Variants in IL2RB observed in about 807,000 individuals in gnomAD.
The protein encoded by IL2RB is interleukin-2 receptor subunit beta.
IL2RB carries 17 observed loss-of-function variants against 44.2 expected under a neutral mutation model. That is an observed-to-expected ratio of 0.38 (90% CI 0.26 to 0.58). IL2RB has a LOEUF of 0.58. Among genes scored for constraint, IL2RB ranks in the 20% least tolerant of loss-of-function variants. The probability of loss-of-function intolerance (pLI) is 0.63; values close to 1 mark genes in which losing one functional copy is unlikely to be tolerated. For missense variants in IL2RB, 624 were observed against 685.5 expected, an observed-to-expected ratio of 0.91 and a Z score of 1.00; for synonymous variants, 286 against 297.9, an observed-to-expected ratio of 0.96 and a Z score of 0.41.
intron 1 of IL2RB, among the ~76,000 whole-genome samples, chr22:37,164,451 A>C (rs1489425121): frequency 9.7e-6 from 1 of 103,010 alleles, no homozygotes; most frequent in Non-Finnish European, 1.9e-5. Flanking sequence ...TGCATGAAGC[A>C]GTGTGGCAGG....
rs762675060 is a variant in IL2RB at position 37,136,340 on chromosome 22, C to A, written c.591G>T (p.Thr197=). 3.7e-6 allele frequency: 6 copies of A among 1,612,732 alleles called. No individual in the cohort carries two copies. The highest frequency in any genetic ancestry group is 1.3e-5 in the African/African-American group (1 of 74,956). Residue 197 remains threonine (T), a synonymous_variant, in exon 7 of 10, where the codon ACG becomes ACT. Transcript: ENST00000216223. ...ACTCATACTGGGTGTCTGGGGTGAG[C>A]GTCTCCAGGCAGATCCATTCCTGCT... ...KQKQEWICLE[T]LTPDTQYEFQ...
chr22:37,152,683 T>TC (rs1413379604), upstream of IL2RB, among the ~76,000 whole-genome samples: 3 of 152,136 alleles, frequency 2.0e-5, no homozygotes, highest in Admixed American at 2.0e-4. Context: ...AAGTCATGGT[T>TC]CCTAACCCTT....
intron 1 of IL2RB, among the ~76,000 whole-genome samples, chr22:37,163,708 G>A (rs564737372): frequency 2.3e-4 from 35 of 152,334 alleles, no homozygotes; most frequent in South Asian, 1.0e-3. Context: ...AGGAAGGGTC[G>A]GGGCTGCTAC....
chr22:37,132,322 T>A, intron 9 of IL2RB, 62 bp downstream of exon 9: 3 of 1,319,502 alleles, frequency 2.3e-6, no homozygotes, highest in African/African-American at 2.9e-5. Context: ...GCTACTAACC[T>A]GCCACCCCCT....
intron 4 of IL2RB, among the ~76,000 whole-genome samples, chr22:37,139,828 T>G (rs945252057): frequency 6.6e-6 from 1 of 152,106 alleles, no homozygotes; most frequent in Admixed American, 6.5e-5. Flanking sequence ...ATCCATCCCA[T>G]GGTATGGGTG....
chr22:37,139,418 G>A (rs920910952), intron 4 of IL2RB, among the ~76,000 whole-genome samples, 196 bp from the exon 5 acceptor site: 2 of 152,202 alleles, frequency 1.3e-5, no homozygotes, highest in Admixed American at 6.5e-5. Context: ...TCTCTGTCAC[G>A]ATGACTCAAC....
intron 1 of IL2RB, among the ~76,000 whole-genome samples, chr22:37,148,268 G>A (rs1038686849): frequency 3.3e-5 from 5 of 152,304 alleles, no homozygotes; most frequent in South Asian, 2.1e-4. Flanking sequence ...CTGAGGGAGC[G>A]CCTGGCAGTC....
intron 1 of IL2RB, among the ~76,000 whole-genome samples, chr22:37,145,667 G>T (rs1922189239): frequency 6.6e-6 from 1 of 152,058 alleles, no homozygotes; most frequent in African/African-American, 2.4e-5. Flanking sequence ...GGGAGGCAGG[G>T]AGATGAGGAG....
chr22:37,152,926 CCTCT>C (rs1922549384), upstream of IL2RB, among the ~76,000 whole-genome samples: 1 of 121,392 alleles, frequency 8.2e-6, no homozygotes. Flanking sequence ...CAAGCTGTGG[CCTCT>C]TTTTTTTTTT....
At chr22:37,175,060 G>A (rs535833000), upstream of IL2RB, 1 of 152,382 alleles carries the variant, frequency 6.6e-6, no homozygotes, top group East Asian at 1.9e-4. Context: ...GAAGTGCAGA[G>A]TGAAGGGGGA....
At chr22:37,166,575 G>C (rs1601614509) in intron 1 of IL2RB, among the ~76,000 whole-genome samples, 1 of 152,286 alleles carries the variant, frequency 6.6e-6, no homozygotes, top group East Asian at 1.9e-4. Flanking sequence ...CCCCCATCTG[G>C]ACTGCCCAAC....
intron 1 of IL2RB, among the ~76,000 whole-genome samples, chr22:37,169,181 TCTTA>T (rs960256056): frequency 2.6e-5 from 4 of 151,664 alleles, no homozygotes; most frequent in African/African-American, 4.9e-5. Flanking sequence ...AGAGAGGGGT[TCTTA>T]CTTACAGAGG....
chr22:37,163,676 G>GC (rs36036092), intron 1 of IL2RB, among the ~76,000 whole-genome samples: 7,249 of 152,316 alleles, frequency 0.048, 581 homozygotes, highest in African/African-American at 0.16. Flanking sequence ...CCGCCCTGAG[G>GC]CCCCCCATTC....
At chr22:37,144,233 C>A in intron 1 of IL2RB, 28 bp from the exon 2 acceptor site, 1 of 1,516,524 alleles carries the variant, frequency 6.6e-7, no homozygotes, top group South Asian at 1.3e-5. Context: ...AGAGAGAGCA[C>A]ACGTAAATAC....
chr22:37,168,219 G>T (rs1923145275), intron 1 of IL2RB, among the ~76,000 whole-genome samples: 2 of 152,220 alleles, frequency 1.3e-5, no homozygotes, highest in South Asian at 4.1e-4. Context: ...CGTTATTAAA[G>T]AAAGTAACAA....
intron 9 of IL2RB, among the ~76,000 whole-genome samples, chr22:37,130,778 C>T (rs1921385785): frequency 1.3e-5 from 2 of 152,224 alleles, no homozygotes; most frequent in Admixed American, 6.5e-5. Flanking sequence ...CATAGGCAAC[C>T]ATGGCTTGCT....
At chr22:37,145,491 C>T (rs759750532) in intron 1 of IL2RB, among the ~76,000 whole-genome samples, 4 of 151,984 alleles carry the variant, frequency 2.6e-5, no homozygotes, top group Non-Finnish European at 4.4e-5. Context: ...TGGAAGCTCC[C>T]GTGAGGCAAG....
intron 8 of IL2RB, 152 bp downstream of exon 8, chr22:37,135,176 G>T (rs1339357122): frequency 5.9e-5 from 36 of 605,736 alleles, no homozygotes; most frequent in African/African-American, 4.5e-4. Context: ...CAGGGGGTTC[G>T]GTCCAGAATC....
intron 1 of IL2RB, among the ~76,000 whole-genome samples, chr22:37,144,717 C>T (rs1922142866): frequency 6.6e-6 from 1 of 152,142 alleles, no homozygotes; most frequent in Admixed American, 6.5e-5. Context: ...GCACTCCAGC[C>T]TGGACGACAG....
Sources: allele counts gnomAD v4.1 joint callset (sites outside exome capture counted in the v4.1 genomes callset), GRCh38; gene constraint gnomAD v4.1.1; transcripts MANE v1.5; gene names NCBI Gene and HGNC (gene_info 2026-07-23, HGNC 2026-07-21).